PCDH9: variants seen among roughly 807,000 people sequenced by gnomAD.
The protein encoded by PCDH9 is protocadherin 9.
Under a neutral mutation model 70.6 loss-of-function variants are expected in PCDH9, and 24 were observed. The ratio of observed to expected loss-of-function variants is 0.34; its 90% CI spans 0.25 to 0.48. PCDH9 has a LOEUF of 0.48. PCDH9 is among the 20% of genes least tolerant of loss of function. The pLI, the probability that PCDH9 is intolerant of heterozygous loss-of-function variation, is 0.99. For synonymous variants in PCDH9, 562 were observed against 558.5 expected, an observed-to-expected ratio of 1.01 and a Z score of -0.09; for missense variants, 1,281 against 1,503.6, an observed-to-expected ratio of 0.85 and a Z score of 2.45.
intron 4 of PCDH9, among the ~76,000 whole-genome samples, chr13:66,405,624 G>A (rs1039476589): frequency 1.3e-5 from 2 of 152,082 alleles, no homozygotes; most frequent in African/African-American, 4.8e-5. Flanking sequence ...TGCTACAGAG[G>A]GTGACTGAGC....
intron 3 of PCDH9, among the ~76,000 whole-genome samples, chr13:66,743,374 TG>T (rs1469195470): frequency 7.4e-5 from 10 of 134,470 alleles, no homozygotes; most frequent in Non-Finnish European, 1.4e-4. Flanking sequence ...GGGATAGCAT[TG>T]GGAGATACAC....
chr13:66,671,326 G>T lies in PCDH9; in HGVS notation c.3139-39915C>A, dbSNP rs147157877. Among the ~76,000 whole-genome samples, 342 of 152,294 alleles carry T rather than the reference G, an allele frequency of 2.2e-3. 1 individual carries two copies. The highest frequency in any genetic ancestry group is 8.1e-3 in the African/African-American group (336 of 41,554). ...ATTTGGTAGAGTGGGGTACTGCTATGAGGATACCTGAAATGTGGAAGCGAC... is the reference window on the plus strand; with the variant it reads ...ATTTGGTAGAGTGGGGTACTGCTATTAGGATACCTGAAATGTGGAAGCGAC... On this transcript the variant is annotated intron_variant, in intron 3 of 4. Coordinates refer to ENST00000377865, the MANE Select transcript of PCDH9 (RefSeq NM_203487.3).
intron 3 of PCDH9, among the ~76,000 whole-genome samples, chr13:66,744,341 C>T (rs571727578): frequency 2.6e-5 from 4 of 152,192 alleles, no homozygotes; most frequent in Admixed American, 6.5e-5. Context: ...ATACATGGAT[C>T]GCATGCATAA....
intron 4 of PCDH9, among the ~76,000 whole-genome samples, chr13:66,504,284 T>A (rs1341197220): frequency 2.0e-5 from 3 of 152,262 alleles, no homozygotes; most frequent in African/African-American, 7.2e-5. Flanking sequence ...TCAATCTTAA[T>A]AATTATTGTA....
chr13:66,423,713 C>T (rs1029782378), intron 4 of PCDH9, among the ~76,000 whole-genome samples: 1 of 152,128 alleles, frequency 6.6e-6, no homozygotes, highest in Non-Finnish European at 1.5e-5. Context: ...AAACCCACAG[C>T]CAATATCATA....
intron 3 of PCDH9, among the ~76,000 whole-genome samples, chr13:66,733,114 T>C (rs1408779108): frequency 2.6e-5 from 4 of 152,158 alleles, no homozygotes; most frequent in Non-Finnish European, 5.9e-5. Context: ...ATCATTATCC[T>C]ATAAAGATTT....
intron 4 of PCDH9, among the ~76,000 whole-genome samples, chr13:66,391,978 G>A (rs1414793359): frequency 1.3e-5 from 2 of 149,920 alleles, no homozygotes; most frequent in South Asian, 2.1e-4. Context: ...AATTTAAATG[G>A]TAACTGCTGT....
intron 4 of PCDH9, among the ~76,000 whole-genome samples, chr13:66,572,190 C>G (rs1375447066): frequency 2.0e-5 from 3 of 152,034 alleles, no homozygotes; most frequent in African/African-American, 7.2e-5. Context: ...GGACACCCAC[C>G]ACTATCAAAC....
At chr13:66,981,254 C>T (rs1487446763) in intron 2 of PCDH9, among the ~76,000 whole-genome samples, 1 of 151,866 alleles carries the variant, frequency 6.6e-6, no homozygotes, top group Non-Finnish European at 1.5e-5. Context: ...GTGGCTAACA[C>T]GGTGAAACTC....
At chr13:67,071,610 A>C (rs1374361201) in intron 2 of PCDH9, among the ~76,000 whole-genome samples, 1 of 152,032 alleles carries the variant, frequency 6.6e-6, no homozygotes, top group African/African-American at 2.4e-5. Context: ...AGAATGCTTT[A>C]GGCTGGGCAG....
At chr13:66,671,294 T>A (rs192517327) in intron 3 of PCDH9, among the ~76,000 whole-genome samples, 1 of 152,148 alleles carries the variant, frequency 6.6e-6, no homozygotes, top group Admixed American at 6.5e-5. Context: ...AATGGAATAA[T>A]ACAGTAATTT....
intron 4 of PCDH9, among the ~76,000 whole-genome samples, chr13:66,378,403 T>C (rs948659977): frequency 6.6e-6 from 1 of 152,198 alleles, no homozygotes; most frequent in Non-Finnish European, 1.5e-5. Flanking sequence ...ACAGTCCTTC[T>C]GAGATTGGGA....
At chr13:67,136,360 T>C (rs1346815896) in intron 2 of PCDH9, among the ~76,000 whole-genome samples, 1 of 152,118 alleles carries the variant, frequency 6.6e-6, no homozygotes, top group African/African-American at 2.4e-5. Flanking sequence ...TCAGAACTTA[T>C]CCTATTGTCA....
intron 2 of PCDH9, among the ~76,000 whole-genome samples, chr13:67,190,880 G>T (rs2088892502): frequency 6.6e-6 from 1 of 152,046 alleles, no homozygotes; most frequent in South Asian, 2.1e-4. Context: ...TCAGATGAAA[G>T]CACACTTTTC....
rs192812307 is a variant in PCDH9 at position 67,075,170 on chromosome 13, C to T, written c.3036+150235G>A. Among the ~76,000 whole-genome samples, 523 of 152,094 alleles carry T rather than the reference C, an allele frequency of 3.4e-3. 12 individuals are homozygous for T. The highest frequency in any genetic ancestry group is 9.1e-4 in the Non-Finnish European group (62 of 67,970). On this transcript the variant is annotated intron_variant, in intron 2 of 4. Transcript: ENST00000377865. ...ATTTCAGGACACCGAGGAATATAATCCATCTACATCTATCATTTTCAATGT... is the reference window on the plus strand; with the variant it reads ...ATTTCAGGACACCGAGGAATATAATTCATCTACATCTATCATTTTCAATGT...
At chr13:66,760,700 G>T (rs1486247647) in intron 3 of PCDH9, among the ~76,000 whole-genome samples, 3 of 152,128 alleles carry the variant, frequency 2.0e-5, no homozygotes, top group Non-Finnish European at 4.4e-5. Context: ...TGCCTGCGGT[G>T]CCAGGCAGAA....
At chr13:67,222,674 T>C (rs938537101) in intron 2 of PCDH9, 5 of 152,312 alleles carry the variant, frequency 3.3e-5, no homozygotes, top group African/African-American at 7.2e-5. Context: ...GTCACACAAC[T>C]AAAATCTTCA....
intron 4 of PCDH9, among the ~76,000 whole-genome samples, chr13:66,484,505 T>C (rs1219547923): frequency 3.3e-5 from 5 of 152,178 alleles, no homozygotes; most frequent in African/African-American, 1.2e-4. Flanking sequence ...GTACCCTAAA[T>C]TTGAGATGGA....
intron 4 of PCDH9, among the ~76,000 whole-genome samples, chr13:66,342,411 A>G (rs1490813768): frequency 1.3e-5 from 2 of 152,236 alleles, no homozygotes; most frequent in African/African-American, 4.8e-5. Context: ...AAAATAATTT[A>G]TGGTTATAAA....
Sources: gnomAD v4.1 joint callset for allele counts (sites outside exome capture counted in the v4.1 genomes callset) on GRCh38, gnomAD v4.1.1 for gene constraint, MANE v1.5 for transcripts, NCBI Gene and HGNC (gene_info 2026-07-23, HGNC 2026-07-21) for gene names.